PIK3C2G: variants seen among roughly 807,000 people sequenced by gnomAD.
PIK3C2G encodes the protein phosphatidylinositol 3-kinase C2 domain-containing subunit gamma.
PIK3C2G carries 168 observed loss-of-function variants against 181.1 expected under a neutral mutation model. That is an observed-to-expected ratio of 0.93 (90% CI 0.82 to 1.05). The LOEUF is 1.05. Among genes scored for constraint, PIK3C2G ranks in the 50% least tolerant of loss-of-function variants. The pLI, the probability that PIK3C2G is intolerant of heterozygous loss-of-function variation, is 0.00. For missense variants in PIK3C2G, 1,869 were observed against 1,732.8 expected, an observed-to-expected ratio of 1.08 and a Z score of -1.40; for synonymous variants, 573 against 592.2, an observed-to-expected ratio of 0.97 and a Z score of 0.47.
intron 31 of PIK3C2G, among the ~76,000 whole-genome samples, chr12:18,638,073 A>G (rs1434062202): frequency 6.6e-6 from 1 of 152,204 alleles, no homozygotes; most frequent in Non-Finnish European, 1.5e-5. Context: ...TCTGTCTGTA[A>G]GAATTAGAAA....
intron 18 of PIK3C2G, among the ~76,000 whole-genome samples, chr12:18,486,097 G>A (rs1331236552): frequency 6.6e-6 from 1 of 152,064 alleles, no homozygotes; most frequent in Non-Finnish European, 1.5e-5. Flanking sequence ...TAGAATAATT[G>A]ACCTCTCGTG....
chr12:18,411,970 T>C (rs1013085697), intron 16 of PIK3C2G, among the ~76,000 whole-genome samples: 2 of 151,594 alleles, frequency 1.3e-5, no homozygotes, highest in Admixed American at 6.6e-5. Context: ...AAAAAAGGAA[T>C]AGAAGTGTTT....
At chr12:18,361,620 G>A (rs1169663886) in intron 11 of PIK3C2G, among the ~76,000 whole-genome samples, 2 of 151,896 alleles carry the variant, frequency 1.3e-5, no homozygotes, top group South Asian at 2.1e-4. Context: ...CACTCTGCTT[G>A]TACTTGTAAA....
At chr12:18,373,413 G>A (rs1411240774) in intron 13 of PIK3C2G, among the ~76,000 whole-genome samples, 8 of 152,208 alleles carry the variant, frequency 5.3e-5, no homozygotes, top group South Asian at 2.1e-4. Context: ...GTTTCCTATC[G>A]CTTTGTGGTT....
intron 22 of PIK3C2G, among the ~76,000 whole-genome samples, chr12:18,500,874 A>T (rs190208886): frequency 1.3e-5 from 2 of 151,990 alleles, no homozygotes; most frequent in Non-Finnish European, 2.9e-5. Flanking sequence ...ATGAGCTGCA[A>T]CCCTCACCGC....
the PIK3C2G span, among the ~76,000 whole-genome samples, chr12:18,709,649 A>G: frequency 6.6e-6 from 1 of 152,124 alleles, no homozygotes; most frequent in African/African-American, 2.4e-5. Context: ...TGGAAGGCCA[A>G]GATGAGAGGA....
chr12:18,268,309 T>C (rs1591785053), intron 1 of PIK3C2G, among the ~76,000 whole-genome samples: 1 of 152,312 alleles, frequency 6.6e-6, no homozygotes, highest in East Asian at 1.9e-4. Context: ...ATTTGCTTAA[T>C]TTTTTGAGTT....
chr12:18,640,488 C>T lies in PIK3C2G; in HGVS notation c.4242C>T (p.Pro1414=), dbSNP rs745819876. 2 of 1,608,096 alleles carry T rather than the reference C, an allele frequency of 1.2e-6. No individual in the cohort carries two copies. Among genetic ancestry groups the T allele is most frequent in the Admixed American group, 3.4e-5 (2 of 59,484 alleles). ...TTGAATTTTATCTTTTACCATATCC[C>T]AGTGAAGTTCGTAGGAGGAAAACAA... The part of the protein sequence containing the change: ...AHVEFYLLPY[P]SEVRRRKTKS... The change falls in exon 32 of 33, where the codon CCC becomes CCT. Residue 1414 remains proline (P), a synonymous_variant. Transcript: ENST00000538779.
At position 18,432,336 on chromosome 12, in the gene PIK3C2G, A is replaced by G. The variant is rs1024266574; in HGVS notation, c.2504+8297A>G. Among the ~76,000 whole-genome samples, 9 of 152,268 alleles carry G rather than the reference A, an allele frequency of 5.9e-5. No individual in the cohort carries two copies. The East Asian group carries it at 1.7e-3, about 29-fold the overall frequency. ...GTGAAGAGTTATGGAAATGAACATT[A>G]TGTATATACATAATGAACTCAAATG... On this transcript the variant is annotated intron_variant, in intron 18 of 32. Coordinates refer to ENST00000538779, the MANE Select transcript of PIK3C2G (RefSeq NM_001288772.2).
the PIK3C2G span, among the ~76,000 whole-genome samples, chr12:18,681,100 G>A: frequency 2.6e-5 from 4 of 151,950 alleles, no homozygotes; most frequent in Admixed American, 1.3e-4. Context: ...GGCTGTGTCC[G>A]GGTTGATGCT....
At chr12:18,377,868 C>T (rs905066852) in intron 13 of PIK3C2G, among the ~76,000 whole-genome samples, 2 of 151,904 alleles carry the variant, frequency 1.3e-5, no homozygotes, top group African/African-American at 4.8e-5. Context: ...TTATATTAGC[C>T]TTTTTGAGAT....
At chr12:18,410,588 A>G (rs1944812106) in intron 16 of PIK3C2G, among the ~76,000 whole-genome samples, 1 of 152,068 alleles carries the variant, frequency 6.6e-6, no homozygotes, top group Non-Finnish European at 1.5e-5. Flanking sequence ...TTGCATTTAC[A>G]GATTTGGTTG....
At chr12:18,457,732 TG>T (rs1947706548) in intron 18 of PIK3C2G, among the ~76,000 whole-genome samples, 1 of 152,184 alleles carries the variant, frequency 6.6e-6, no homozygotes, top group Non-Finnish European at 1.5e-5. Flanking sequence ...TCAATCAGAA[TG>T]AATCCAGTGA....
At chr12:18,605,023 C>T (rs377547301) in intron 30 of PIK3C2G, among the ~76,000 whole-genome samples, 1 of 151,870 alleles carries the variant, frequency 6.6e-6, no homozygotes, top group African/African-American at 2.4e-5. Flanking sequence ...CAGCAGAAGA[C>T]AGGAAATAAC....
intron 13 of PIK3C2G, among the ~76,000 whole-genome samples, chr12:18,381,053 A>G (rs998890549): frequency 2.6e-5 from 4 of 152,186 alleles, no homozygotes; most frequent in African/African-American, 9.7e-5. Context: ...CTAGCCAGGT[A>G]CAACTTCTTT....
At chr12:18,420,400 A>G (rs900544518) in intron 16 of PIK3C2G, among the ~76,000 whole-genome samples, 28 of 152,120 alleles carry the variant, frequency 1.8e-4, no homozygotes, top group African/African-American at 6.5e-4. Flanking sequence ...ATGCCATCCA[A>G]AAATGAATAA....
intron 25 of PIK3C2G, among the ~76,000 whole-genome samples, chr12:18,544,226 C>G (rs577565927): frequency 1.3e-4 from 19 of 151,858 alleles, no homozygotes; most frequent in African/African-American, 4.6e-4. Flanking sequence ...CCAGTCTGTG[C>G]TATAGATGGA....
intron 3 of PIK3C2G, among the ~76,000 whole-genome samples, chr12:18,287,226 T>C (rs1331921820): frequency 6.6e-6 from 1 of 152,166 alleles, no homozygotes; most frequent in Non-Finnish European, 1.5e-5. Context: ...ATTTTTTTTT[T>C]TGTTTAATGA....
At position 18,562,731 on chromosome 12, in the gene PIK3C2G, C is replaced by G. The variant is rs746299575; in HGVS notation, c.3619C>G (p.Pro1207Ala). 32 of 1,602,262 alleles carry G rather than the reference C, an allele frequency of 2.0e-5. No individual in the cohort carries two copies. The highest frequency in any genetic ancestry group is 1.7e-4 in the Middle Eastern group (1 of 6,044). ...KKIKESLECF[P>A]VKLNNLIHTL... ...AATAAAGGAAAGTCTGGAGTGTTTC[C>G]CTGTTAAATTGAATAACTTGATCCA... The change falls in exon 27 of 33, where the codon CCT becomes GCT. Residue 1207 changes from proline to alanine, a missense_variant. Pro to Ala is a conservative substitution (Grantham distance 27, BLOSUM62 -1). Transcript: ENST00000538779.
Sources: gnomAD v4.1 joint callset for allele counts (sites outside exome capture counted in the v4.1 genomes callset) on GRCh38, gnomAD v4.1.1 for gene constraint, MANE v1.5 for transcripts, NCBI Gene and HGNC (gene_info 2026-07-23, HGNC 2026-07-21) for gene names.